The following CKAP5 variants were observed in gnomAD, a reference collection of about 807,000 sequenced individuals.
The protein encoded by CKAP5 is cytoskeleton associated protein 5, also known as cytoskeleton-associated protein 5.
In CKAP5, 27 loss-of-function variants were observed where a neutral mutation model predicts 232.8. That is an observed-to-expected ratio of 0.12 (90% CI 0.09 to 0.16). CKAP5 has a LOEUF of 0.16. Among genes scored for constraint, CKAP5 ranks in the 10% least tolerant of loss-of-function variants. The pLI is 1.00. For missense variants in CKAP5, 1,838 were observed against 2,424.7 expected (o/e 0.76, Z 5.08); for synonymous variants, 785 against 841.1 (o/e 0.93, Z 1.16).
In CKAP5 at chr11:46,805,005, G is replaced by A. The variant is rs930499610; in HGVS notation, c.978+3026C>T. Among the ~76,000 whole-genome samples, 3 of 151,766 alleles carry A rather than the reference G, an allele frequency of 2.0e-5. No homozygotes were observed. In the East Asian group the frequency reaches 5.8e-4, roughly 29 times the overall value. On this transcript the variant is annotated intron_variant, in intron 8 of 43. Coordinates refer to ENST00000529230, the MANE Select transcript of CKAP5 (RefSeq NM_001008938.4). ...AATCCCAGCACTTTCAGAGGCTGAG[G>A]CAGGCAAATCACTTGAGGACAGGAG...
rs1226299807 is a variant in CKAP5 at position 46,760,648 on chromosome 11, C to T, written c.4358G>A (p.Arg1453His). The T allele has an allele frequency of 9.3e-6, 15 of 1,614,042 alleles. No homozygotes were observed. Among genetic ancestry groups the T allele is most frequent in the African/African-American group, 1.3e-5 (1 of 74,934 alleles). ...QNISSNANML[R>H]KGPAEDMSSK... The stretch of plus-strand genomic sequence containing the variant: ...AGACATGTCCTCAGCTGGTCCCTTG[C>T]GTAACATGTTGGCATTGGAGCTTAT... The change falls in exon 33 of 44, where the codon CGC (arginine) becomes CAC (histidine). Residue 1453 changes from arginine (R) to histidine (H), a missense_variant. Around this residue, in one of 6 missense-constraint regions of CKAP5, gnomAD observed 579 missense variants for 843.2 expected, o/e 0.69. Coordinates refer to ENST00000529230, the MANE Select transcript of CKAP5 (RefSeq NM_001008938.4).
chr11:46,800,231 C>T (rs1254088590), intron 9 of CKAP5, among the ~76,000 whole-genome samples: 1 of 151,442 alleles, frequency 6.6e-6, no homozygotes, highest in African/African-American at 2.4e-5. Context: ...TTTTACAGAC[C>T]CTTATTTTTA....
chr11:46,753,206 G>T, intron 37 of CKAP5, 104 bp downstream of exon 37: 1 of 857,842 alleles, frequency 1.2e-6, no homozygotes, highest in Non-Finnish European at 1.8e-6. Flanking sequence ...AGTTGATTAT[G>T]ATTGTTAGGT....
intron 1 of CKAP5, 55 bp from the exon 2 acceptor site, chr11:46,821,323 A>T: frequency 1.2e-6 from 1 of 802,366 alleles, no homozygotes; most frequent in Non-Finnish European, 2.0e-6. Context: ...CTTAAGACAA[A>T]AATAACTTTT....
chr11:46,810,036 A>G (rs1309057206), intron 5 of CKAP5, among the ~76,000 whole-genome samples, 162 bp from the exon 6 acceptor site: 1 of 151,702 alleles, frequency 6.6e-6, no homozygotes. Flanking sequence ...CAGTGGTATG[A>G]TCTTGGCTCA....
At chr11:46,759,736 G>A (rs1335793053) in intron 33 of CKAP5, among the ~76,000 whole-genome samples, 2 of 152,122 alleles carry the variant, frequency 1.3e-5, no homozygotes, top group Admixed American at 6.5e-5. Flanking sequence ...TATTCCTGAA[G>A]GGGCAGAAAA....
intron 1 of CKAP5, among the ~76,000 whole-genome samples, chr11:46,829,631 ATTATG>A (rs1346827437): frequency 6.6e-6 from 1 of 152,216 alleles, no homozygotes; most frequent in African/African-American, 2.4e-5. Flanking sequence ...GTGTTAAACA[ATTATG>A]TTATCAATAA....
intron 5 of CKAP5, among the ~76,000 whole-genome samples, chr11:46,810,396 C>G (rs1277797657): frequency 2.6e-5 from 4 of 152,136 alleles, no homozygotes; most frequent in Non-Finnish European, 4.4e-5. Context: ...GCAGCCTCCA[C>G]CTCCCCAGGT....
intron 6 of CKAP5, 21 bp downstream of exon 6, chr11:46,809,721 C>T (rs924336585): frequency 5.6e-6 from 9 of 1,613,066 alleles, no homozygotes; most frequent in Admixed American, 3.3e-5. Context: ...TTGCAGAAAC[C>T]GGTGTTTAAA....
chr11:46,763,666 TG>T (rs746164730), intron 28 of CKAP5, 36 bp from the exon 29 acceptor site: 1 of 1,445,490 alleles, frequency 6.9e-7, no homozygotes, highest in South Asian at 1.6e-5. Flanking sequence ...GGCTACAGGG[TG>T]TTCAACTGAA....
intron 1 of CKAP5, among the ~76,000 whole-genome samples, chr11:46,832,559 A>T (rs1307148783): frequency 6.6e-6 from 1 of 152,164 alleles, no homozygotes; most frequent in Non-Finnish European, 1.5e-5. Context: ...TCATCATAAC[A>T]ATACCATCTT....
At chr11:46,760,080 G>C (rs2065142249) in intron 33 of CKAP5, among the ~76,000 whole-genome samples, 1 of 152,172 alleles carries the variant, frequency 6.6e-6, no homozygotes, top group Non-Finnish European at 1.5e-5. Flanking sequence ...GAGTCCCTAA[G>C]CCAATTTTGG....
intron 8 of CKAP5, among the ~76,000 whole-genome samples, chr11:46,804,976 C>G (rs1939120565): frequency 6.6e-6 from 1 of 151,902 alleles, no homozygotes; most frequent in African/African-American, 2.4e-5. Flanking sequence ...TGGCTCACGC[C>G]TGTAATCCCA....
intron 36 of CKAP5, 87 bp from the exon 37 acceptor site, chr11:46,753,584 A>T: frequency 2.0e-6 from 2 of 1,016,820 alleles, no homozygotes; most frequent in Non-Finnish European, 2.8e-6. Flanking sequence ...TAAATATTCA[A>T]TTATGTTGTA....
chr11:46,752,221 C>CACACACACAT lies in CKAP5; in HGVS notation c.5133+413_5133+414insATGTGTGTGT, dbSNP rs1555160704. Among the ~76,000 whole-genome samples, 80 of 134,816 alleles carry CACACACACAT rather than the reference C, an allele frequency of 5.9e-4. 3 individuals are homozygous for CACACACACAT. The highest frequency in any genetic ancestry group is 1.9e-3 in the African/African-American group (72 of 38,540). 88.4% of individuals were successfully genotyped at this position (134,816 alleles called of 152,430 possible). ...ACACACACACACACACACACACACA[C>CACACACACAT]ACACACACACACGTGTATTATATAC... On this transcript the variant is annotated intron_variant, in intron 38 of 43. Coordinates refer to ENST00000529230, the MANE Select transcript of CKAP5 (RefSeq NM_001008938.4).
At chr11:46,784,409 C>A in intron 17 of CKAP5, 79 bp downstream of exon 17, 1 of 1,146,592 alleles carries the variant, frequency 8.7e-7, no homozygotes, top group Non-Finnish European at 1.3e-6. Flanking sequence ...AAGATAAAAA[C>A]TAATGTTTAA....
intron 1 of CKAP5, among the ~76,000 whole-genome samples, chr11:46,828,793 T>C (rs1355374198): frequency 2.0e-5 from 3 of 152,020 alleles, no homozygotes; most frequent in Non-Finnish European, 4.4e-5. Flanking sequence ...TTTTATGAGG[T>C]ATGCAGTCAA....
chr11:46,783,175 T>G, intron 18 of CKAP5, 99 bp downstream of exon 18: 1 of 659,630 alleles, frequency 1.5e-6, no homozygotes. Context: ...CAGCTCTCAC[T>G]CTTCAGAAAT....
intron 15 of CKAP5, among the ~76,000 whole-genome samples, chr11:46,789,094 G>C (rs2065423734): frequency 6.6e-6 from 1 of 152,182 alleles, no homozygotes. Flanking sequence ...CTAGTGTGTG[G>C]CAGAAACTGC....
Sources: gnomAD v4.1 joint callset for allele counts (sites outside exome capture counted in the v4.1 genomes callset) on GRCh38, gnomAD v4.1.1 for gene constraint, gnomAD v4.1.1 regional missense constraint, MANE v1.5 for transcripts, NCBI Gene and HGNC (gene_info 2026-07-23, HGNC 2026-07-21) for gene names.